IGF2BP3: variants seen among roughly 807,000 people sequenced by gnomAD.
IGF2BP3 encodes the protein insulin like growth factor 2 mRNA binding protein 3.
A neutral mutation model predicts 73.8 loss-of-function variants in IGF2BP3; 9 were observed. The ratio of observed to expected loss-of-function variants is 0.12; its 90% CI spans 0.07 to 0.21. IGF2BP3 has a LOEUF of 0.21. Among genes scored for constraint, IGF2BP3 ranks in the 10% least tolerant of loss-of-function variants. The pLI is 1.00. For missense variants in IGF2BP3, 542 were observed against 714.0 expected, an observed-to-expected ratio of 0.76 and a Z score of 2.75; for synonymous variants, 258 against 256.7, an observed-to-expected ratio of 1.01 and a Z score of -0.05.
intron 3 of IGF2BP3, among the ~76,000 whole-genome samples, chr7:23,399,300 G>A (rs11981738): frequency 0.027 from 4,144 of 151,832 alleles, 184 homozygotes; most frequent in African/African-American, 0.093. Flanking sequence ...GCTAAATGAC[G>A]AGTTAATGGG....
At chr7:23,367,718 C>T (rs560739385) in intron 3 of IGF2BP3, among the ~76,000 whole-genome samples, 5 of 152,064 alleles carry the variant, frequency 3.3e-5, no homozygotes, top group Admixed American at 2.0e-4. Flanking sequence ...AGTTCATCCA[C>T]GGCTGGGCGC....
intron 5 of IGF2BP3, among the ~76,000 whole-genome samples, chr7:23,354,467 T>C (rs1445536642): frequency 1.3e-5 from 2 of 152,218 alleles, no homozygotes; most frequent in African/African-American, 2.4e-5. Flanking sequence ...TTTTGACTAG[T>C]AAATTAAGTC....
At chr7:23,442,913 A>T (rs1787969367) in intron 2 of IGF2BP3, among the ~76,000 whole-genome samples, 1 of 152,144 alleles carries the variant, frequency 6.6e-6, no homozygotes, top group Non-Finnish European at 1.5e-5. Context: ...AATGTACCAT[A>T]AAACCAGGTA....
At position 23,315,623 on chromosome 7, in the gene IGF2BP3, GACAAA is replaced by G. The variant is rs139210501; in HGVS notation, c.1396-1975_1396-1971del. 5.7e-3 allele frequency among the ~76,000 whole-genome samples: 864 copies of G among 152,216 alleles called. 6 individuals carry two copies. The highest frequency in any genetic ancestry group is 9.8e-3 in the Non-Finnish European group (665 of 68,012). The stretch of plus-strand genomic sequence containing the variant: ...GCTGAGCTCATTTTAGGGCACTACC[GACAAA>G]ACAAAATTCATCTTGATACCCTATA... On this transcript the variant is annotated intron_variant, in intron 12 of 14. Coordinates refer to ENST00000258729, the MANE Select transcript of IGF2BP3 (RefSeq NM_006547.3).
Position 23,388,598 on chromosome 7 carries a change from C to T in IGF2BP3, c.286-26857G>A, listed in dbSNP as rs1786163811. 2.1e-5 allele frequency among the ~76,000 whole-genome samples: 3 copies of T among 142,416 alleles called. No individual in the cohort carries two copies. In the South Asian group the frequency reaches 7.0e-4, roughly 33 times the overall value. 93.4% of individuals were successfully genotyped at this position (142,416 alleles called of 152,430 possible). A position where few individuals can be genotyped will look rare whatever the true frequency, so the allele number is the denominator to read the frequency against. On this transcript the variant is annotated intron_variant, in intron 3 of 14. Coordinates refer to ENST00000258729, the MANE Select transcript of IGF2BP3 (RefSeq NM_006547.3). ...ATGTTTGTTTATGCAGATGAGTGGT[C>T]TTCTCCATCTTTTTTTTTTTTTTTT... is the stretch of plus-strand genomic sequence containing the variant.
intron 3 of IGF2BP3, among the ~76,000 whole-genome samples, chr7:23,388,397 G>A (rs954110294): frequency 2.0e-5 from 3 of 152,016 alleles, no homozygotes; most frequent in African/African-American, 7.3e-5. Flanking sequence ...CAGATGAACA[G>A]GAGGAAAAAA....
At chr7:23,468,457 G>C (rs572692283) in intron 2 of IGF2BP3, 25 bp downstream of exon 2, 61 of 1,613,342 alleles carry the variant, frequency 3.8e-5, no homozygotes, top group African/African-American at 1.1e-4. Context: ...GAACAGAATC[G>C]GGGCAAACAG....
intron 2 of IGF2BP3, among the ~76,000 whole-genome samples, chr7:23,463,151 CA>C (rs1788488622): frequency 6.6e-6 from 1 of 152,188 alleles, no homozygotes; most frequent in African/African-American, 2.4e-5. Context: ...CAGACCAAAC[CA>C]ACCACCAGAG....
At chr7:23,372,322 C>G (rs533478105) in intron 3 of IGF2BP3, among the ~76,000 whole-genome samples, 93 of 152,228 alleles carry the variant, frequency 6.1e-4, no homozygotes, top group African/African-American at 2.0e-3. Context: ...ATCTGCCCCC[C>G]CTGGCCTCCC....
At chr7:23,368,114 T>C (rs754820437) in intron 3 of IGF2BP3, among the ~76,000 whole-genome samples, 1 of 152,098 alleles carries the variant, frequency 6.6e-6, no homozygotes, top group Non-Finnish European at 1.5e-5. Flanking sequence ...GGTACAAAAT[T>C]AAGATCACTC....
At chr7:23,466,264 C>T (rs1259897018) in intron 2 of IGF2BP3, among the ~76,000 whole-genome samples, 1 of 152,174 alleles carries the variant, frequency 6.6e-6, no homozygotes, top group African/African-American at 2.4e-5. Flanking sequence ...CTCAGGCGAT[C>T]CACCCACCTT....
intron 8 of IGF2BP3, among the ~76,000 whole-genome samples, chr7:23,344,907 A>G (rs945238666): frequency 6.6e-6 from 1 of 152,242 alleles, no homozygotes; most frequent in East Asian, 1.9e-4. Flanking sequence ...AGCATTTTGT[A>G]TTACAGTTTT....
intron 2 of IGF2BP3, among the ~76,000 whole-genome samples, chr7:23,457,620 T>A (rs12540144): frequency 0.079 from 11,963 of 152,262 alleles, 613 homozygotes; most frequent in Non-Finnish European, 0.12. Flanking sequence ...TATTTGTACC[T>A]ACATTGAAGA....
At chr7:23,367,009 T>TTA (rs1554320673) in intron 3 of IGF2BP3, among the ~76,000 whole-genome samples, 1,648 of 147,934 alleles carry the variant, frequency 0.011, 43 homozygotes, top group African/African-American at 0.039. Flanking sequence ...TTTTTTTTTT[T>TTA]AAAGACAGAG....
intron 3 of IGF2BP3, among the ~76,000 whole-genome samples, chr7:23,410,506 T>G (rs905919381): frequency 6.6e-6 from 1 of 152,172 alleles, no homozygotes; most frequent in Non-Finnish European, 1.5e-5. Context: ...GCTTGCCTCA[T>G]ACACCATTCA....
intron 3 of IGF2BP3, among the ~76,000 whole-genome samples, chr7:23,377,225 A>G (rs928115166): frequency 5.9e-5 from 9 of 152,350 alleles, no homozygotes; most frequent in African/African-American, 1.9e-4. Flanking sequence ...TGCAAATCAT[A>G]TATCTGATAA....
intron 3 of IGF2BP3, among the ~76,000 whole-genome samples, chr7:23,383,956 C>T (rs1187688432): frequency 3.3e-5 from 5 of 151,716 alleles, no homozygotes; most frequent in South Asian, 2.1e-4. Context: ...CTTAGTCGGG[C>T]GTGGTGGTGG....
intron 3 of IGF2BP3, among the ~76,000 whole-genome samples, chr7:23,373,230 G>C (rs889789397): frequency 3.3e-5 from 5 of 152,258 alleles, no homozygotes; most frequent in Middle Eastern, 3.4e-3. Flanking sequence ...GCATTAACTT[G>C]TGCTACATTT....
chr7:23,361,847 A>C (rs1284281277), intron 3 of IGF2BP3, 106 bp from the exon 4 acceptor site: 1 of 931,412 alleles, frequency 1.1e-6, no homozygotes, highest in East Asian at 2.6e-5. Context: ...GAAAAGAGCC[A>C]AAAAATTATC....
Sources: allele counts gnomAD v4.1 joint callset (sites outside exome capture counted in the v4.1 genomes callset), GRCh38; gene constraint gnomAD v4.1.1; transcripts MANE v1.5; gene names NCBI Gene and HGNC (gene_info 2026-07-23, HGNC 2026-07-21).